Variants in PALM2AKAP2 observed in about 807,000 individuals in gnomAD.
PALM2AKAP2 encodes the protein PALM2 and AKAP2 fusion, also known as PALM2-AKAP2 fusion protein.
A neutral mutation model predicts 71.5 loss-of-function variants in PALM2AKAP2; 37 were observed. The observed-to-expected ratio is 0.52, with a 90% CI of 0.40 to 0.68. PALM2AKAP2 has a LOEUF of 0.68. Among genes scored for constraint, PALM2AKAP2 ranks in the 30% least tolerant of loss-of-function variants. PALM2AKAP2 has a pLI of 0.00. For synonymous variants in PALM2AKAP2, 468 were observed against 478.8 expected, an observed-to-expected ratio of 0.98 and a Z score of 0.29; for missense variants, 1,224 against 1,191.8, an observed-to-expected ratio of 1.03 and a Z score of -0.40.
At chr9:109,912,728 A>G (rs1444462850) in intron 3 of PALM2AKAP2, among the ~76,000 whole-genome samples, 1 of 152,216 alleles carries the variant, frequency 6.6e-6, no homozygotes, top group African/African-American at 2.4e-5. Flanking sequence ...AGATAGACAG[A>G]CAGACAGACA....
At chr9:109,889,605 T>G in intron 3 of PALM2AKAP2, among the ~76,000 whole-genome samples, 1 of 152,192 alleles carries the variant, frequency 6.6e-6, no homozygotes, top group Non-Finnish European at 1.5e-5. Context: ...GGGTTTGTGG[T>G]CAGCTTTGCA....
intron 1 of PALM2AKAP2, among the ~76,000 whole-genome samples, chr9:109,656,276 T>C (rs1827306368): frequency 6.6e-6 from 1 of 151,892 alleles, no homozygotes; most frequent in Admixed American, 6.6e-5. Context: ...GGGGAGATGC[T>C]GGGGGAGAAG....
chr9:110,137,291 A>G (rs1428050608), exon 2 of PALM2AKAP2: 1 of 1,614,232 alleles, frequency 6.2e-7, no homozygotes, highest in Non-Finnish European at 8.5e-7. Flanking sequence ...GCTGTTCTCC[A>G]TCAAGCCTTT....
chr9:109,640,867 G>C lies in PALM2AKAP2; in HGVS notation c.5+1G>C. ...CCCGGCCGCGGAGCCCCGCGATGGA[G>C]TGAGTATCCCCGAGCCGCGCCGCCA... On this transcript the variant is annotated splice_donor_variant, in intron 1 of 6. Transcript: ENST00000374531. LOFTEE classifies it high-confidence loss of function. The C allele has an allele frequency of 6.6e-7, 1 of 1,518,900 alleles. No homozygotes were observed. Among genetic ancestry groups the C allele is most frequent in the Non-Finnish European group, 8.8e-7 (1 of 1,140,730 alleles). The allele number at this position is 1,518,900 out of a possible 1,614,324, so 94.1% of individuals were successfully genotyped here.
At chr9:109,919,331 G>A (rs1388398928) in intron 3 of PALM2AKAP2, among the ~76,000 whole-genome samples, 1 of 151,706 alleles carries the variant, frequency 6.6e-6, no homozygotes, top group African/African-American at 2.4e-5. Flanking sequence ...GAAAGCCTCA[G>A]GAGGTATTTT....
At chr9:109,713,200 C>T (rs756498955) in intron 1 of PALM2AKAP2, among the ~76,000 whole-genome samples, 11 of 152,098 alleles carry the variant, frequency 7.2e-5, no homozygotes, top group Non-Finnish European at 1.3e-4. Context: ...TTGAATGCTC[C>T]CTTCTTCCTT....
chr9:109,764,094 C>T (rs778380838), intron 1 of PALM2AKAP2, among the ~76,000 whole-genome samples: 3 of 152,250 alleles, frequency 2.0e-5, no homozygotes, highest in Middle Eastern at 3.4e-3. Flanking sequence ...AATTCAGGCT[C>T]CTATTGTCTC....
At chr9:109,921,796 A>G (rs181807675) in intron 3 of PALM2AKAP2, among the ~76,000 whole-genome samples, 253 of 152,348 alleles carry the variant, frequency 1.7e-3, no homozygotes, top group African/African-American at 6.0e-3. Context: ...CTGGGAGGCT[A>G]GATACCATGG....
At chr9:109,865,334 G>T (rs1442777702) in intron 1 of PALM2AKAP2, among the ~76,000 whole-genome samples, 2 of 151,844 alleles carry the variant, frequency 1.3e-5, no homozygotes, top group Non-Finnish European at 2.9e-5. Context: ...CGTGACCTCG[G>T]GTGATCCACC....
chr9:109,644,804 C>T (rs1472202806), intron 1 of PALM2AKAP2, among the ~76,000 whole-genome samples: 3 of 152,198 alleles, frequency 2.0e-5, no homozygotes, highest in African/African-American at 7.2e-5. Context: ...TTTGCTAAAA[C>T]ATAACAAGAG....
At chr9:109,917,484 CTTTTT>C (rs59106508) in intron 3 of PALM2AKAP2, among the ~76,000 whole-genome samples, 5 of 111,438 alleles carry the variant, frequency 4.5e-5, no homozygotes, top group Non-Finnish European at 7.2e-5. Context: ...CGCTCCTTTC[CTTTTT>C]TTTTTTTTTT....
At chr9:109,736,874 T>A (rs1828644511) in intron 1 of PALM2AKAP2, among the ~76,000 whole-genome samples, 1 of 152,160 alleles carries the variant, frequency 6.6e-6, no homozygotes. Flanking sequence ...ACAGCTAACA[T>A]GTGGTGTGAA....
chr9:109,867,196 G>GTC, intron 1 of PALM2AKAP2: 1 of 428,928 alleles, frequency 2.3e-6, no homozygotes, highest in Non-Finnish European at 4.6e-6. Flanking sequence ...GTGTGTGTGT[G>GTC]TGTGTGTGTC....
intron 1 of PALM2AKAP2, among the ~76,000 whole-genome samples, chr9:110,072,916 G>A (rs35565886): frequency 0.057 from 8,739 of 152,124 alleles, 319 homozygotes; most frequent in Middle Eastern, 0.11. Context: ...AACTTTGCAC[G>A]TGACCATTTT....
intron 6 of PALM2AKAP2, among the ~76,000 whole-genome samples, chr9:109,994,205 G>C (rs1242093988): frequency 6.6e-6 from 1 of 152,196 alleles, no homozygotes; most frequent in African/African-American, 2.4e-5. Flanking sequence ...TGAGTTGTGA[G>C]TGCTTTAAAA....
At chr9:109,881,734 G>A (rs556470956) in intron 3 of PALM2AKAP2, among the ~76,000 whole-genome samples, 1 of 152,086 alleles carries the variant, frequency 6.6e-6, no homozygotes, top group Non-Finnish European at 1.5e-5. Flanking sequence ...AGGACACCTA[G>A]CCAGAGAGAT....
At chr9:109,648,705 T>C (rs1475772496) in intron 1 of PALM2AKAP2, among the ~76,000 whole-genome samples, 2 of 152,164 alleles carry the variant, frequency 1.3e-5, no homozygotes, top group African/African-American at 4.8e-5. Flanking sequence ...GGGCCATGCT[T>C]TGTGGGCTCA....
intron 1 of PALM2AKAP2, among the ~76,000 whole-genome samples, chr9:109,814,712 A>G (rs1375646986): frequency 6.6e-6 from 1 of 152,238 alleles, no homozygotes; most frequent in Non-Finnish European, 1.5e-5. Flanking sequence ...ACAAACCAGT[A>G]AGTGGCAATT....
intron 1 of PALM2AKAP2, among the ~76,000 whole-genome samples, chr9:110,073,469 A>C (rs949166951): frequency 6.6e-6 from 1 of 152,092 alleles, no homozygotes; most frequent in Non-Finnish European, 1.5e-5. Context: ...TGTGATCCAG[A>C]CTCAAGCCAG....
Sources: allele counts gnomAD v4.1 joint callset (sites outside exome capture counted in the v4.1 genomes callset), GRCh38; gene constraint gnomAD v4.1.1; transcripts MANE v1.5; gene names NCBI Gene and HGNC (gene_info 2026-07-23, HGNC 2026-07-21).